DTNBP1: variants seen among roughly 807,000 people sequenced by gnomAD.
DTNBP1 encodes the protein dysbindin.
Under a neutral mutation model 42.8 loss-of-function variants are expected in DTNBP1, and 35 were observed. The observed-to-expected ratio is 0.82, with a 90% CI of 0.63 to 1.09. DTNBP1 has a LOEUF of 1.09. Among genes scored for constraint, DTNBP1 ranks in the 50% least tolerant of loss-of-function variants. The pLI is 0.00. For missense variants in DTNBP1, 457 were observed against 424.2 expected, an observed-to-expected ratio of 1.08 and a Z score of -0.68; for synonymous variants, 171 against 162.2, an observed-to-expected ratio of 1.05 and a Z score of -0.41.
Position 15,587,418 on chromosome 6 carries a change from T to G in DTNBP1, c.511+5641A>C, listed in dbSNP as rs1388762290. 6.6e-6 allele frequency among the ~76,000 whole-genome samples: 1 copy of G among 152,212 alleles called. No homozygotes were observed. The highest frequency in any genetic ancestry group is 1.5e-5 in the Non-Finnish European group (1 of 68,048). On this transcript the variant is annotated intron_variant, in intron 7 of 9. Transcript: ENST00000344537. This position sits in a 1 kb window ranked among gnomAD's most constrained non-coding sequence, Gnocchi z 4.1. ...TGTCAAAATGATCCTAAAATTTATATGAAAAGACGAAGGACCTTAAATATT... is the reference window on the plus strand; with the variant it reads ...TGTCAAAATGATCCTAAAATTTATAGGAAAAGACGAAGGACCTTAAATATT...
chr6:15,568,153 C>G (rs1317729881), intron 7 of DTNBP1, among the ~76,000 whole-genome samples: 1 of 152,160 alleles, frequency 6.6e-6, no homozygotes, highest in African/African-American at 2.4e-5. Flanking sequence ...AGATCCTCTT[C>G]AGAGAGGTAT....
intron 6 of DTNBP1, among the ~76,000 whole-genome samples, chr6:15,613,125 C>T (rs9476865): frequency 0.15 from 23,351 of 151,534 alleles, 2,642 homozygotes; most frequent in African/African-American, 0.32. Context: ...CTGGCCAACA[C>T]GGTGAAACTC....
At chr6:15,549,739 G>C (rs963758027) in intron 7 of DTNBP1, among the ~76,000 whole-genome samples, 2 of 151,966 alleles carry the variant, frequency 1.3e-5, no homozygotes, top group Non-Finnish European at 2.9e-5. Context: ...CGACCAAACC[G>C]AAGCCTTGTG....
At chr6:15,577,656 G>A (rs899192863) in intron 7 of DTNBP1, among the ~76,000 whole-genome samples, 1 of 152,232 alleles carries the variant, frequency 6.6e-6, no homozygotes, top group African/African-American at 2.4e-5. Context: ...GACAGGTTGA[G>A]TTTAAGATGC....
chr6:15,542,713 A>G (rs947504592), intron 7 of DTNBP1, among the ~76,000 whole-genome samples: 5 of 151,530 alleles, frequency 3.3e-5, no homozygotes, highest in African/African-American at 1.2e-4. Flanking sequence ...TTCTTTTTAG[A>G]CAGAGTCTCA....
At chr6:15,531,275 G>A (rs1395415123) in intron 8 of DTNBP1, among the ~76,000 whole-genome samples, 5 of 152,070 alleles carry the variant, frequency 3.3e-5, no homozygotes, top group African/African-American at 4.8e-5. Flanking sequence ...TGTCCTTCTC[G>A]GTTTCTACCC....
intron 6 of DTNBP1, among the ~76,000 whole-genome samples, chr6:15,600,988 G>T (rs1032033129): frequency 6.6e-6 from 1 of 152,198 alleles, no homozygotes; most frequent in Non-Finnish European, 1.5e-5. Context: ...CATGCCCAAG[G>T]AGGGTCTGCA....
chr6:15,557,673 T>C lies in DTNBP1; in HGVS notation c.512-24278A>G, dbSNP rs543816314. ...TGTAATATTAAAAGACAATGAAAGA[T>C]TTTTGTTTGCCTAAGCTACAAAAAA... On this transcript the variant is annotated intron_variant, in intron 7 of 9. Coordinates refer to ENST00000344537, the MANE Select transcript of DTNBP1 (RefSeq NM_032122.5). 1.8e-4 allele frequency among the ~76,000 whole-genome samples: 28 copies of C among 152,240 alleles called. No homozygotes were observed. In the South Asian group the frequency reaches 4.4e-3, roughly 24 times the overall value.
intron 7 of DTNBP1, among the ~76,000 whole-genome samples, chr6:15,566,504 C>T (rs1375033594): frequency 6.6e-6 from 1 of 152,094 alleles, no homozygotes; most frequent in East Asian, 1.9e-4. Context: ...AACTTTAAAA[C>T]ACAGATCCTA....
chr6:15,626,351 C>T (rs1759345373), intron 5 of DTNBP1, among the ~76,000 whole-genome samples: 1 of 152,202 alleles, frequency 6.6e-6, no homozygotes, highest in South Asian at 2.1e-4. Flanking sequence ...CAACAGCACT[C>T]CAAATACTAC....
At chr6:15,659,641 C>A (rs1761485893) in intron 1 of DTNBP1, among the ~76,000 whole-genome samples, 1 of 149,830 alleles carries the variant, frequency 6.7e-6, no homozygotes, top group Non-Finnish European at 1.5e-5. Context: ...CAACCTCCAC[C>A]TCCTGGATTC....
At chr6:15,613,686 T>C (rs1366617727) in intron 6 of DTNBP1, among the ~76,000 whole-genome samples, 5 of 152,082 alleles carry the variant, frequency 3.3e-5, no homozygotes, top group African/African-American at 9.7e-5. Context: ...TTCTTAATGC[T>C]GCCAAATGCC....
intron 6 of DTNBP1, among the ~76,000 whole-genome samples, chr6:15,612,262 T>C (rs1210739862): frequency 6.6e-6 from 1 of 152,210 alleles, no homozygotes; most frequent in African/African-American, 2.4e-5. Flanking sequence ...TATTTTTAAT[T>C]AAGGTATGTA....
At chr6:15,560,794 A>G (rs1020251584) in intron 7 of DTNBP1, among the ~76,000 whole-genome samples, 10 of 152,132 alleles carry the variant, frequency 6.6e-5, no homozygotes, top group Non-Finnish European at 1.3e-4. Flanking sequence ...AATTTATCCA[A>G]CTCACACAGG....
chr6:15,524,684 A>G lies in DTNBP1; in HGVS notation c.668-15T>C. On this transcript the variant is annotated splice_polypyrimidine_tract_variant and intron_variant, in intron 8 of 9. Transcript: ENST00000344537. ...GCCTATGGGCTCTGCGGATAGATCA[A>G]CACGAGAAAGGACACGCTGTCTTTA... The G allele has an allele frequency of 6.2e-7, 1 of 1,611,812 alleles. No individual in the cohort carries two copies. Among genetic ancestry groups the G allele is most frequent in the South Asian group, 1.1e-5 (1 of 91,046 alleles).
intron 6 of DTNBP1, among the ~76,000 whole-genome samples, chr6:15,611,596 T>C (rs9476864): frequency 0.56 from 84,731 of 152,106 alleles, 24,232 homozygotes; most frequent in African/African-American, 0.66. Flanking sequence ...AAGGGTTAAC[T>C]ATTCCAGATG....
chr6:15,574,458 G>A (rs986659168), intron 7 of DTNBP1, among the ~76,000 whole-genome samples: 3 of 152,190 alleles, frequency 2.0e-5, no homozygotes, highest in African/African-American at 7.2e-5. Context: ...TATCACACGA[G>A]GGAGCTGTCA....
At chr6:15,558,379 G>T (rs1774645790) in intron 7 of DTNBP1, among the ~76,000 whole-genome samples, 4 of 150,740 alleles carry the variant, frequency 2.7e-5, no homozygotes. Flanking sequence ...TGATTCTCCT[G>T]CCTCAGCCTC....
At chr6:15,580,683 C>T (rs986610672) in intron 7 of DTNBP1, among the ~76,000 whole-genome samples, 1 of 152,100 alleles carries the variant, frequency 6.6e-6, no homozygotes, top group African/African-American at 2.4e-5. Flanking sequence ...ACTAGTGATT[C>T]AATTTTTTTC....
Sources: allele counts gnomAD v4.1 joint callset (sites outside exome capture counted in the v4.1 genomes callset), GRCh38; gene constraint gnomAD v4.1.1; non-coding constraint Gnocchi (gnomAD v3.1); transcripts MANE v1.5; gene names NCBI Gene and HGNC (gene_info 2026-07-23, HGNC 2026-07-21).